Variants in TFDP2 observed in about 807,000 individuals in gnomAD.
The protein encoded by TFDP2 is transcription factor Dp-2, also known as transcription factor Dp-2 (E2F dimerization partner 2).
TFDP2 carries 17 observed loss-of-function variants against 59.3 expected under a neutral mutation model. That is an observed-to-expected ratio of 0.29 (90% CI 0.20 to 0.43). TFDP2 has a LOEUF of 0.43. Ranked by LOEUF, TFDP2 falls within the 20% of genes least tolerant of loss-of-function variation. The pLI, the probability that TFDP2 is intolerant of heterozygous loss-of-function variation, is 1.00. For synonymous variants in TFDP2, 180 were observed against 194.7 expected, an observed-to-expected ratio of 0.92 and a Z score of 0.63; for missense variants, 391 against 528.8, an observed-to-expected ratio of 0.74 and a Z score of 2.56.
intron 3 of TFDP2, among the ~76,000 whole-genome samples, chr3:142,082,158 T>C (rs1379474801): frequency 6.6e-6 from 1 of 152,164 alleles, no homozygotes; most frequent in Non-Finnish European, 1.5e-5. Flanking sequence ...AACCCTGTTG[T>C]GAACTGTGCA....
Position 141,959,427 on chromosome 3 carries a change from G to A in TFDP2, c.1051+247C>T, listed in dbSNP as rs1937088268. Reference sequence around the variant, plus strand: ...AGATCTCTCTGAAGAGCCAAATTCAGTGCTGAGTGAGCCAATTTAGATGTA... The same window carrying A: ...AGATCTCTCTGAAGAGCCAAATTCAATGCTGAGTGAGCCAATTTAGATGTA... On this transcript the variant is annotated intron_variant, in intron 11 of 12. Transcript: ENST00000489671. 3.9e-5 allele frequency among the ~76,000 whole-genome samples: 6 copies of A among 152,252 alleles called. No homozygotes were observed. In the South Asian group the frequency reaches 1.0e-3, roughly 26 times the overall value.
At chr3:142,145,770 T>G (rs1210172125) in intron 1 of TFDP2, among the ~76,000 whole-genome samples, 1 of 151,978 alleles carries the variant, frequency 6.6e-6, no homozygotes, top group Non-Finnish European at 1.5e-5. Context: ...AAAAAAGTAG[T>G]AATTAACATA....
chr3:142,127,381 A>G (rs1299397557), intron 1 of TFDP2, among the ~76,000 whole-genome samples: 1 of 131,322 alleles, frequency 7.6e-6, no homozygotes, highest in Non-Finnish European at 1.5e-5. Flanking sequence ...ATCTCGGTTT[A>G]CTGCAACCTC....
At chr3:142,004,329 T>TA (rs1439684727) in intron 4 of TFDP2, among the ~76,000 whole-genome samples, 1 of 152,242 alleles carries the variant, frequency 6.6e-6, no homozygotes, top group Non-Finnish European at 1.5e-5. Context: ...TTAGGTATGT[T>TA]AAAAGATATC....
At chr3:142,122,020 G>A (rs192684091) in intron 1 of TFDP2, among the ~76,000 whole-genome samples, 10 of 152,266 alleles carry the variant, frequency 6.6e-5, no homozygotes, top group African/African-American at 2.4e-4. Context: ...AAACAGTGGA[G>A]ATCTTCACAC....
chr3:141,969,653 C>T (rs1176398014), intron 9 of TFDP2, among the ~76,000 whole-genome samples: 5 of 151,996 alleles, frequency 3.3e-5, no homozygotes, highest in Non-Finnish European at 7.4e-5. Flanking sequence ...TATTTCATGC[C>T]ATTCTGTCAT....
chr3:141,973,737 C>A (rs1485407015), intron 8 of TFDP2, among the ~76,000 whole-genome samples: 5 of 145,316 alleles, frequency 3.4e-5, no homozygotes, highest in Non-Finnish European at 6.0e-5. Flanking sequence ...AAATAAGATA[C>A]CATTTCACCA....
chr3:142,117,967 A>G (rs2061901143), intron 1 of TFDP2, among the ~76,000 whole-genome samples: 1 of 151,964 alleles, frequency 6.6e-6, no homozygotes, highest in Non-Finnish European at 1.5e-5. Context: ...GTGTGGTGGC[A>G]TGCGCCTGTA....
In TFDP2 at chr3:142,106,832, T is replaced by C. The variant is rs181302549; in HGVS notation, c.-92-4991A>G. Among the ~76,000 whole-genome samples, 17 of 152,286 alleles carry C rather than the reference T, an allele frequency of 1.1e-4. No homozygotes were observed. The East Asian group carries it at 3.3e-3, about 29-fold the overall frequency. On this transcript the variant is annotated intron_variant, in intron 1 of 12. Coordinates refer to ENST00000489671, the MANE Select transcript of TFDP2 (RefSeq NM_001178139.2). ...GTCTCAAAATGCAAGCCCTTTCCCA[T>C]TCCAATCACAATTTAGCAGCTCCAG...
chr3:141,979,825 G>C (rs772569782), intron 6 of TFDP2, among the ~76,000 whole-genome samples: 1 of 152,078 alleles, frequency 6.6e-6, no homozygotes, highest in African/African-American at 2.4e-5. Context: ...CTGACCTCAG[G>C]TGATCTGCCT....
At chr3:142,007,973 C>G (rs1018010983) in intron 3 of TFDP2, among the ~76,000 whole-genome samples, 1 of 152,156 alleles carries the variant, frequency 6.6e-6, no homozygotes, top group African/African-American at 2.4e-5. Flanking sequence ...CGGACTGGTA[C>G]CTGGTGGCCA....
At chr3:142,096,038 C>G (rs887337245) in intron 2 of TFDP2, among the ~76,000 whole-genome samples, 1 of 152,148 alleles carries the variant, frequency 6.6e-6, no homozygotes, top group African/African-American at 2.4e-5. Flanking sequence ...TGCTTAAACA[C>G]CTGCTCTTAA....
intron 1 of TFDP2, among the ~76,000 whole-genome samples, chr3:142,114,809 C>A (rs2061792272): frequency 6.6e-6 from 1 of 151,876 alleles, no homozygotes. Context: ...AGATAAGAAC[C>A]TAATGATATT....
rs1001439392 is a variant in TFDP2, at chr3:141,971,014, T to G, written c.664-873A>C. On this transcript the variant is annotated intron_variant, in intron 8 of 12. Transcript: ENST00000489671. ...CAGAGATTGCAGTGAGCCAAGATCA[T>G]GCCACTGCACTCCAGCCTGGACAAC... Among the ~76,000 whole-genome samples the G allele has an allele frequency of 2.0e-5, 3 of 150,428 alleles. No homozygotes were observed. The East Asian group carries it at 5.9e-4, about 29-fold the overall frequency.
At chr3:142,032,436 A>G (rs1476901597) in intron 3 of TFDP2, among the ~76,000 whole-genome samples, 1 of 146,968 alleles carries the variant, frequency 6.8e-6, no homozygotes, top group Non-Finnish European at 1.5e-5. Context: ...TCTGTGCTCA[A>G]TGCTCTTTTC....
chr3:142,143,757 A>G (rs1437597537), intron 1 of TFDP2, among the ~76,000 whole-genome samples: 1 of 152,150 alleles, frequency 6.6e-6, no homozygotes, highest in African/African-American at 2.4e-5. Context: ...AGTAACAAAT[A>G]CTGGTGGGGA....
intron 1 of TFDP2, among the ~76,000 whole-genome samples, chr3:142,109,733 C>T (rs908734679): frequency 1.3e-5 from 2 of 151,952 alleles, no homozygotes; most frequent in Admixed American, 1.3e-4. Flanking sequence ...TAATAGAGCA[C>T]AATTAGTTAC....
At chr3:142,000,200 G>T (rs749528985) in intron 4 of TFDP2, 8 of 690,676 alleles carry the variant, frequency 1.2e-5, no homozygotes, top group Non-Finnish European at 1.6e-5. Flanking sequence ...AAAGTCTTCT[G>T]CAAGGAGTAC....
chr3:142,134,513 T>C (rs2062649151), intron 1 of TFDP2, among the ~76,000 whole-genome samples: 1 of 152,096 alleles, frequency 6.6e-6, no homozygotes, highest in African/African-American at 2.4e-5. Flanking sequence ...TTATTCTGCC[T>C]ACAGCAATGG....
Sources: gnomAD v4.1 joint callset for allele counts (sites outside exome capture counted in the v4.1 genomes callset) on GRCh38, gnomAD v4.1.1 for gene constraint, MANE v1.5 for transcripts, NCBI Gene and HGNC (gene_info 2026-07-23, HGNC 2026-07-21) for gene names.